RAD51B: variants seen among roughly 807,000 people sequenced by gnomAD.
RAD51B encodes DNA repair protein RAD51 homolog 2.
In RAD51B, 38 loss-of-function variants were observed where a neutral mutation model predicts 42.2. The observed-to-expected ratio is 0.90, with a 90% confidence interval of 0.70 to 1.18. RAD51B has a LOEUF of 1.18. Ranked by LOEUF, RAD51B falls within the 50% of genes most tolerant of loss-of-function variation. The pLI is 0.00. For missense variants in RAD51B, 373 were observed against 400.7 expected, an observed-to-expected ratio of 0.93 and a Z score of 0.59; for synonymous variants, 154 against 145.2, an observed-to-expected ratio of 1.06 and a Z score of -0.43.
intron 10 of RAD51B, among the ~76,000 whole-genome samples, chr14:68,589,950 A>G (rs955367152): frequency 1.3e-5 from 2 of 152,018 alleles, no homozygotes; most frequent in African/African-American, 2.4e-5. Context: ...CACACATTCC[A>G]TATGCATTCA....
At chr14:68,454,473 T>C (rs1299329461) in intron 9 of RAD51B, among the ~76,000 whole-genome samples, 1 of 152,238 alleles carries the variant, frequency 6.6e-6, no homozygotes, top group Non-Finnish European at 1.5e-5. Flanking sequence ...CTTGTGGAAT[T>C]TTAACTTGCC....
intron 8 of RAD51B, chr14:68,338,724 A>C: frequency 2.6e-6 from 1 of 382,126 alleles, no homozygotes; most frequent in South Asian, 2.4e-5. Flanking sequence ...TCAACAGTGT[A>C]CATTTAACCC....
At chr14:68,610,476 A>G (rs1891633558) in intron 10 of RAD51B, among the ~76,000 whole-genome samples, 1 of 152,170 alleles carries the variant, frequency 6.6e-6, no homozygotes, top group Non-Finnish European at 1.5e-5. Flanking sequence ...CTCCACATGC[A>G]TGTGGCTCCC....
intron 11 of RAD51B, among the ~76,000 whole-genome samples, chr14:68,664,255 A>G (rs887421174): frequency 5.3e-5 from 8 of 152,012 alleles, no homozygotes; most frequent in Non-Finnish European, 7.4e-5. Context: ...CCTTTCCCCT[A>G]TCTCTTTTCT....
At chr14:68,501,483 C>A (rs1884913983) in intron 10 of RAD51B, among the ~76,000 whole-genome samples, 1 of 152,196 alleles carries the variant, frequency 6.6e-6, no homozygotes, top group South Asian at 2.1e-4. Context: ...GAGGCAGCAA[C>A]CCCTGTGCAA....
chr14:68,153,945 A>T (rs1005936327), intron 7 of RAD51B, among the ~76,000 whole-genome samples: 2 of 152,318 alleles, frequency 1.3e-5, no homozygotes, highest in Non-Finnish European at 1.5e-5. Context: ...TGTGGGGGAG[A>T]AAAGAATCTC....
rs117971002 is a variant in RAD51B at position 67,854,981 on chromosome 14, T to C, written c.316-10022T>C. ...TCTTAAAAAACTATTATTTTCATAC[T>C]GTAATATAATCTAGAGTACAGGACC... On this transcript the variant is annotated intron_variant, in intron 4 of 10. Transcript: ENST00000471583. Among the ~76,000 whole-genome samples, 862 of 152,280 alleles carry C rather than the reference T, an allele frequency of 5.7e-3. 4 individuals carry two copies. The highest frequency in any genetic ancestry group is 9.0e-3 in the Non-Finnish European group (612 of 68,016).
At chr14:67,849,691 G>A (rs7149796) in intron 4 of RAD51B, among the ~76,000 whole-genome samples, 9,780 of 152,156 alleles carry the variant, frequency 0.064, 703 homozygotes, top group African/African-American at 0.18. Flanking sequence ...CAACAGCTTG[G>A]CAATCATAAA....
intron 7 of RAD51B, among the ~76,000 whole-genome samples, chr14:67,945,482 T>G (rs1214016425): frequency 6.6e-6 from 1 of 151,956 alleles, no homozygotes; most frequent in Non-Finnish European, 1.5e-5. Flanking sequence ...AGACCAAGAG[T>G]TGTTTTTTGT....
downstream of RAD51B, among the ~76,000 whole-genome samples, chr14:68,597,492 G>A (rs546434364): frequency 6.6e-6 from 1 of 152,312 alleles, no homozygotes; most frequent in African/African-American, 2.4e-5. Flanking sequence ...TCTCTTGTAG[G>A]AACATGGTTG....
intron 8 of RAD51B, among the ~76,000 whole-genome samples, chr14:68,386,008 G>A (rs1049051565): frequency 6.6e-6 from 1 of 152,140 alleles, no homozygotes; most frequent in South Asian, 2.1e-4. Context: ...AGCCACTTGT[G>A]GTCACTTAAG....
At chr14:67,886,046 T>C in intron 6 of RAD51B, 58 bp downstream of exon 6, 7 of 1,350,736 alleles carry the variant, frequency 5.2e-6, no homozygotes, top group Non-Finnish European at 7.0e-6. Context: ...TGTTTTATCT[T>C]TTATGTTTCA....
intron 7 of RAD51B, among the ~76,000 whole-genome samples, chr14:68,014,448 C>T (rs1366546082): frequency 6.6e-6 from 1 of 152,128 alleles, no homozygotes; most frequent in Non-Finnish European, 1.5e-5. Context: ...ATATCTCCTA[C>T]TCTCTACTCA....
At chr14:68,182,229 A>G (rs1238035010) in intron 7 of RAD51B, among the ~76,000 whole-genome samples, 4 of 152,254 alleles carry the variant, frequency 2.6e-5, no homozygotes, top group East Asian at 1.9e-4. Context: ...ATTAACAGCT[A>G]TGCAGTGTAC....
intron 7 of RAD51B, among the ~76,000 whole-genome samples, chr14:68,174,346 C>G (rs2078925672): frequency 1.3e-5 from 2 of 148,364 alleles, no homozygotes; most frequent in Admixed American, 1.4e-4. Context: ...TCACTGCACT[C>G]TAGCTTGGGC....
chr14:67,946,511 G>A lies in RAD51B; in HGVS notation c.756+59307G>A, dbSNP rs559584900. On this transcript the variant is annotated intron_variant, in intron 7 of 10. Transcript: ENST00000471583. ...GCCTCTCAAGTAGCTGGGGCTACAG[G>A]CACTCGCCACCATGCCCAGCTGATT... 9.3e-4 allele frequency among the ~76,000 whole-genome samples: 141 copies of A among 152,246 alleles called. 1 individual carries two copies. The highest frequency in any genetic ancestry group is 2.2e-3 in the Admixed American group (34 of 15,292).
intron 10 of RAD51B, among the ~76,000 whole-genome samples, chr14:68,602,870 G>C (rs761650960): frequency 2.6e-5 from 4 of 152,150 alleles, no homozygotes; most frequent in African/African-American, 9.7e-5. Flanking sequence ...AGCAGTGCTC[G>C]TATAAATCTC....
intron 7 of RAD51B, among the ~76,000 whole-genome samples, chr14:68,197,275 A>C (rs1003552159): frequency 2.6e-5 from 4 of 152,186 alleles, no homozygotes; most frequent in Admixed American, 6.5e-5. Flanking sequence ...TGAAACTCAC[A>C]TACGTAGAAA....
At chr14:68,604,692 G>T (rs926842712) in intron 10 of RAD51B, among the ~76,000 whole-genome samples, 1 of 152,178 alleles carries the variant, frequency 6.6e-6, no homozygotes, top group Non-Finnish European at 1.5e-5. Flanking sequence ...GTCAAGGTTG[G>T]AGAAATCTTA....
Sources: allele counts gnomAD v4.1 joint callset (sites outside exome capture counted in the v4.1 genomes callset), GRCh38; gene constraint gnomAD v4.1.1; transcripts MANE v1.5; gene names NCBI Gene and HGNC (gene_info 2026-07-23, HGNC 2026-07-21).